DNM3: variants seen among roughly 807,000 people sequenced by gnomAD.
The protein encoded by DNM3 is dynamin 3.
A neutral mutation model predicts 101.6 loss-of-function variants in DNM3; 47 were observed. The ratio of observed to expected loss-of-function variants is 0.46; its 90% CI spans 0.37 to 0.59. DNM3 has a LOEUF of 0.59. Among genes scored for constraint, DNM3 ranks in the 20% least tolerant of loss-of-function variants. DNM3 has a pLI of 0.00. For synonymous variants in DNM3, 385 were observed against 387.9 expected (o/e 0.99, Z 0.09); for missense variants, 849 against 1,085.7 (o/e 0.78, Z 3.06).
intron 6 of DNM3, among the ~76,000 whole-genome samples, chr1:172,036,307 C>T (rs1049543385): frequency 6.6e-6 from 1 of 151,430 alleles, no homozygotes; most frequent in African/African-American, 2.4e-5. Flanking sequence ...TTTCCAATTT[C>T]ATCCATGTCC....
chr1:171,870,049 T>C (rs1442189295), intron 1 of DNM3, among the ~76,000 whole-genome samples: 2 of 152,198 alleles, frequency 1.3e-5, no homozygotes, highest in African/African-American at 4.8e-5. Flanking sequence ...TAAATGTCCA[T>C]TGAAGAACTA....
At chr1:172,357,526 A>T (rs1341545826) in intron 17 of DNM3, among the ~76,000 whole-genome samples, 6 of 152,120 alleles carry the variant, frequency 3.9e-5, no homozygotes, top group African/African-American at 1.4e-4. Context: ...TAACTGGTCA[A>T]TACTGTACAA....
intron 14 of DNM3, among the ~76,000 whole-genome samples, chr1:172,164,225 TTCTTTTC>T (rs1237709388): frequency 3.7e-5 from 4 of 109,264 alleles, no homozygotes; most frequent in African/African-American, 1.5e-4. Context: ...CTATTTTCTT[TTCTTTTC>T]TTTTTTTTTT....
intron 12 of DNM3, among the ~76,000 whole-genome samples, chr1:172,092,099 G>C (rs1027894126): frequency 3.9e-5 from 6 of 151,952 alleles, no homozygotes; most frequent in African/African-American, 7.3e-5. Context: ...ATTTTAGGGG[G>C]GATTTCAGGA....
intron 17 of DNM3, among the ~76,000 whole-genome samples, chr1:172,358,759 T>C (rs2067579216): frequency 1.3e-5 from 2 of 152,074 alleles, no homozygotes; most frequent in African/African-American, 4.8e-5. Context: ...TAAAATAAGT[T>C]GTAGAAGTAT....
At chr1:171,884,106 C>T (rs79459929) in intron 1 of DNM3, among the ~76,000 whole-genome samples, 3,038 of 152,214 alleles carry the variant, frequency 0.02, 97 homozygotes, top group African/African-American at 0.068. Flanking sequence ...CCAGCCCTGA[C>T]GAAACTTCTA....
intron 11 of DNM3, among the ~76,000 whole-genome samples, 181 bp downstream of exon 11, chr1:172,069,086 T>A (rs1399308709): frequency 6.6e-6 from 1 of 152,216 alleles, no homozygotes; most frequent in Non-Finnish European, 1.5e-5. Flanking sequence ...ATTCATATCT[T>A]GTTTATGTTA....
At chr1:171,951,258 A>G (rs950753495) in intron 2 of DNM3, among the ~76,000 whole-genome samples, 15 of 152,192 alleles carry the variant, frequency 9.9e-5, no homozygotes, top group African/African-American at 3.6e-4. Context: ...TTACTTTGAT[A>G]AAACACACAC....
At chr1:171,869,714 G>A (rs988468748) in intron 1 of DNM3, among the ~76,000 whole-genome samples, 5 of 152,136 alleles carry the variant, frequency 3.3e-5, no homozygotes, top group Non-Finnish European at 7.4e-5. Flanking sequence ...ATATTTCACT[G>A]CCCTGCCTTA....
chr1:171,957,320 C>T (rs1264559361), intron 2 of DNM3, among the ~76,000 whole-genome samples: 3 of 151,676 alleles, frequency 2.0e-5, no homozygotes, highest in Admixed American at 6.6e-5. Flanking sequence ...GCTTCAGCCT[C>T]CTGAGTAGCT....
At chr1:171,868,864 A>G (rs2035010608) in intron 1 of DNM3, among the ~76,000 whole-genome samples, 1 of 152,138 alleles carries the variant, frequency 6.6e-6, no homozygotes, top group Non-Finnish European at 1.5e-5. Flanking sequence ...GCTCACTGCA[A>G]CATCTGCCTC....
rs368374252 is a variant in DNM3, at chr1:172,199,567, C to T, written c.1660-54006C>T. ...ATGTCTCTTTGTAAGTCTCTAAGAA[C>T]TTCCTTTATGAATCTGGGTGCTCCT... On this transcript the variant is annotated intron_variant, in intron 14 of 20. Coordinates refer to ENST00000627582, the MANE Select transcript of DNM3 (RefSeq NM_015569.5). 1.2e-4 allele frequency among the ~76,000 whole-genome samples: 18 copies of T among 152,250 alleles called. No individual in the cohort carries two copies. The East Asian group carries it at 1.7e-3, about 15-fold the overall frequency.
chr1:172,398,946 T>C (rs1206482809), intron 20 of DNM3, among the ~76,000 whole-genome samples: 1 of 152,152 alleles, frequency 6.6e-6, no homozygotes, highest in African/African-American at 2.4e-5. Flanking sequence ...GGTTGAAAAT[T>C]TCCTTCATGT....
chr1:172,062,801 C>T (rs1157991672), intron 10 of DNM3, among the ~76,000 whole-genome samples: 3 of 152,136 alleles, frequency 2.0e-5, no homozygotes, highest in African/African-American at 7.2e-5. Context: ...AGAATTGCTT[C>T]TTATCTTCAA....
intron 1 of DNM3, 49 bp from the exon 2 acceptor site, chr1:171,921,699 G>C (rs1162124681): frequency 5.4e-6 from 8 of 1,469,532 alleles, no homozygotes; most frequent in Non-Finnish European, 9.3e-7. Context: ...GAATGTACAG[G>C]TGATAAGAAT....
In DNM3 at chr1:171,921,773, A is replaced by G. The variant is rs1489029012; in HGVS notation, c.187A>G (p.Ile63Val). 15 of 1,600,836 alleles carry G rather than the reference A, an allele frequency of 9.4e-6. No homozygotes were observed. Among genetic ancestry groups the G allele is most frequent in the Non-Finnish European group, 1.3e-5 (15 of 1,172,818 alleles). Reference sequence around the variant, plus strand: ...GGACTTTCTCCCTCGAGGGTCGGGCATTGTAACAAGACGACCTCTTGTGCT... The same window carrying G: ...GGACTTTCTCCCTCGAGGGTCGGGCGTTGTAACAAGACGACCTCTTGTGCT... ...GRDFLPRGSG[I>V]VTRRPLVLQL... Residue 63 changes from isoleucine (I) to valine (V), a missense_variant, in exon 2 of 21, where the codon ATT becomes GTT. Ile to Val is a conservative substitution (Grantham distance 29). This residue lies in a region of DNM3 where 388 missense variants were observed against 483.0 expected (regional missense o/e 0.80). Coordinates refer to ENST00000627582, the MANE Select transcript of DNM3 (RefSeq NM_015569.5).
At chr1:172,373,031 A>G (rs562138162) in intron 17 of DNM3, among the ~76,000 whole-genome samples, 47 of 152,164 alleles carry the variant, frequency 3.1e-4, no homozygotes, top group Admixed American at 7.9e-4. Flanking sequence ...TCATTTAACT[A>G]AAACACCTTT....
chr1:172,009,122 A>G (rs1224630140), intron 4 of DNM3, among the ~76,000 whole-genome samples: 1 of 138,064 alleles, frequency 7.2e-6, no homozygotes, highest in Non-Finnish European at 1.5e-5. Flanking sequence ...TATATCATAT[A>G]ATATATATAT....
At chr1:172,190,763 C>T (rs1438730012) in intron 14 of DNM3, among the ~76,000 whole-genome samples, 1 of 152,100 alleles carries the variant, frequency 6.6e-6, no homozygotes, top group East Asian at 1.9e-4. Flanking sequence ...TCTCTGATGG[C>T]CAGTGATGAT....
Sources: gnomAD v4.1 joint callset for allele counts (sites outside exome capture counted in the v4.1 genomes callset) on GRCh38, gnomAD v4.1.1 for gene constraint, gnomAD v4.1.1 regional missense constraint, MANE v1.5 for transcripts, NCBI Gene and HGNC (gene_info 2026-07-23, HGNC 2026-07-21) for gene names.